GFRAL: variants seen among roughly 807,000 people sequenced by gnomAD.
GFRAL encodes GDNF family receptor alpha-like.
GFRAL carries 36 observed loss-of-function variants against 45.4 expected under a neutral mutation model. The ratio of observed to expected loss-of-function variants is 0.79; its 90% CI spans 0.61 to 1.05. The LOEUF (loss-of-function observed/expected upper bound fraction) is 1.05. Ranked by LOEUF, GFRAL falls within the 50% of genes least tolerant of loss-of-function variation. The pLI is 0.00. For missense variants in GFRAL, 507 were observed against 467.5 expected (o/e 1.08, Z -0.78); for synonymous variants, 166 against 154.1 (o/e 1.08, Z -0.57).
At chr6:55,380,353 C>T (rs755322088) in intron 6 of GFRAL, among the ~76,000 whole-genome samples, 2 of 151,896 alleles carry the variant, frequency 1.3e-5, no homozygotes, top group African/African-American at 4.8e-5. Context: ...AAGACAAGCC[C>T]AAACTATTGA....
intron 1 of GFRAL, among the ~76,000 whole-genome samples, chr6:55,329,419 A>G (rs1404751385): frequency 6.6e-6 from 1 of 152,170 alleles, no homozygotes; most frequent in African/African-American, 2.4e-5. Flanking sequence ...AGTTTTGATG[A>G]TATATCTGGG....
intron 5 of GFRAL, among the ~76,000 whole-genome samples, chr6:55,354,392 C>T (rs562371985): frequency 1.3e-5 from 2 of 152,078 alleles, no homozygotes; most frequent in South Asian, 2.1e-4. Context: ...AACGTCATCT[C>T]CCTTCCTCTC....
chr6:55,356,749 C>A (rs1457693593), intron 5 of GFRAL, among the ~76,000 whole-genome samples: 1 of 151,626 alleles, frequency 6.6e-6, no homozygotes, highest in African/African-American at 2.4e-5. Context: ...GTTCAGTTTG[C>A]TCTTGCTTTT....
chr6:55,346,484 T>C (rs889249880), intron 3 of GFRAL, among the ~76,000 whole-genome samples: 4 of 151,918 alleles, frequency 2.6e-5, no homozygotes, highest in Non-Finnish European at 2.9e-5. Context: ...TAGGTGGGAA[T>C]TGAACAATGA....
chr6:55,346,857 A>G (rs537817781), intron 3 of GFRAL, among the ~76,000 whole-genome samples: 1 of 142,392 alleles, frequency 7.0e-6, no homozygotes, highest in Non-Finnish European at 1.5e-5. Context: ...AAAAGAAAAA[A>G]CAAAGTAAGT....
intron 6 of GFRAL, among the ~76,000 whole-genome samples, chr6:55,385,724 G>C (rs1386030725): frequency 6.6e-6 from 1 of 151,992 alleles, no homozygotes; most frequent in Non-Finnish European, 1.5e-5. Context: ...AATATAATAA[G>C]AGACTATTTA....
At chr6:55,356,348 C>T (rs954072675) in intron 5 of GFRAL, among the ~76,000 whole-genome samples, 4 of 151,754 alleles carry the variant, frequency 2.6e-5, no homozygotes, top group African/African-American at 9.7e-5. Context: ...CAGGTTTTCC[C>T]TTGCTGGGAG....
chr6:55,331,630 T>C, intron 1 of GFRAL, 85 bp from the exon 2 acceptor site: 1 of 1,243,786 alleles, frequency 8.0e-7, no homozygotes, highest in Non-Finnish European at 1.1e-6. Context: ...TCCATAATTC[T>C]GCTCTTTATC....
intron 3 of GFRAL, among the ~76,000 whole-genome samples, chr6:55,337,200 G>GT (rs201527666): frequency 0.013 from 2,010 of 151,858 alleles, 24 homozygotes; most frequent in Non-Finnish European, 0.022. Flanking sequence ...TTTTCCTTTA[G>GT]TTTTTTATAT....
chr6:55,335,938 T>TATTTTATTTTA (rs1767885469), intron 3 of GFRAL, among the ~76,000 whole-genome samples: 1 of 147,444 alleles, frequency 6.8e-6, no homozygotes, highest in Non-Finnish European at 1.5e-5. Flanking sequence ...TATTTTATTT[T>TATTTTATTTTA]TGTTGTGTTG....
chr6:55,347,658 C>T (rs567936911), intron 3 of GFRAL, among the ~76,000 whole-genome samples: 2 of 152,236 alleles, frequency 1.3e-5, no homozygotes, highest in East Asian at 1.9e-4. Flanking sequence ...TAGATATAAA[C>T]ACATTCTAAT....
In GFRAL at chr6:55,373,029, C is replaced by CT. The variant is rs772444324; in HGVS notation, c.952+13892dup. Among the ~76,000 whole-genome samples the CT allele has an allele frequency of 2.6e-5, 4 of 151,582 alleles. No homozygotes were observed. The South Asian group carries it at 6.3e-4, about 24-fold the overall frequency. ...ATCTTCCCGACACAGACACCAAACA[C>CT]TAACACACCCAAACCCCCACTATAA... On this transcript the variant is annotated intron_variant, in intron 6 of 8. Coordinates refer to ENST00000340465, the MANE Select transcript of GFRAL (RefSeq NM_207410.2).
intron 6 of GFRAL, among the ~76,000 whole-genome samples, chr6:55,384,126 G>A (rs1396002401): frequency 6.6e-6 from 1 of 151,954 alleles, no homozygotes; most frequent in African/African-American, 2.4e-5. Flanking sequence ...CTGTTGGGGG[G>A]TTGGGAGCTA....
intron 3 of GFRAL, among the ~76,000 whole-genome samples, chr6:55,340,219 C>G (rs1331801433): frequency 2.0e-5 from 3 of 152,246 alleles, no homozygotes; most frequent in African/African-American, 7.2e-5. Flanking sequence ...CAGCATCCTC[C>G]ACAGACCTTC....
chr6:55,331,401 A>C (rs1767827252), intron 1 of GFRAL, among the ~76,000 whole-genome samples: 1 of 152,168 alleles, frequency 6.6e-6, no homozygotes, highest in Admixed American at 6.5e-5. Flanking sequence ...CCATTAAGTT[A>C]GATTTTAAAG....
At chr6:55,398,796 G>A (rs1032781452) in intron 6 of GFRAL, among the ~76,000 whole-genome samples, 1 of 152,142 alleles carries the variant, frequency 6.6e-6, no homozygotes, top group African/African-American at 2.4e-5. Flanking sequence ...AGGTATTCCA[G>A]TATCTGAGTG....
intron 6 of GFRAL, among the ~76,000 whole-genome samples, chr6:55,396,517 T>C (rs2127367063): frequency 6.6e-6 from 1 of 152,288 alleles, no homozygotes; most frequent in Non-Finnish European, 1.5e-5. Flanking sequence ...ATCTAATGTA[T>C]ATTGTATATA....
chr6:55,388,183 T>A (rs1198734719), intron 6 of GFRAL, among the ~76,000 whole-genome samples: 1 of 152,210 alleles, frequency 6.6e-6, no homozygotes, highest in Non-Finnish European at 1.5e-5. Context: ...CATTAGCACC[T>A]GAGTCAGGTG....
chr6:55,387,518 A>C (rs1352766862), intron 6 of GFRAL, among the ~76,000 whole-genome samples: 1 of 152,182 alleles, frequency 6.6e-6, no homozygotes. Flanking sequence ...ATAAAACACC[A>C]TATGTGGGCA....
Sources: allele counts gnomAD v4.1 joint callset (sites outside exome capture counted in the v4.1 genomes callset), GRCh38; gene constraint gnomAD v4.1.1; transcripts MANE v1.5; gene names NCBI Gene and HGNC (gene_info 2026-07-23, HGNC 2026-07-21).